POTEH: variants seen among roughly 807,000 people sequenced by gnomAD.
The protein encoded by POTEH is POTE ankyrin domain family member H.
POTEH carries 6 observed loss-of-function variants against 41.7 expected under a neutral mutation model. That is an observed-to-expected ratio of 0.14 (90% CI 0.08 to 0.28). POTEH has a LOEUF of 0.28. Among genes scored for constraint, POTEH ranks in the 10% least tolerant of loss-of-function variants. The pLI is 1.00. For missense variants in POTEH, 115 were observed against 533.5 expected (o/e 0.22, Z 7.73); for synonymous variants, 38 against 179.9 (o/e 0.21, Z 6.31).
intron 1 of POTEH, among the ~76,000 whole-genome samples, chr22:15,691,200 C>T (rs1471702967): frequency 1.4e-5 from 2 of 140,046 alleles, no homozygotes; most frequent in East Asian, 2.0e-4. Context: ...GGTTCTTGTG[C>T]TTGAATAGGA....
In POTEH at chr22:15,690,848, T is replaced by A. The variant is rs563659851; in HGVS notation, c.632+139T>A. On this transcript the variant is annotated intron_variant, in intron 1 of 10. Coordinates refer to ENST00000343518, the MANE Select transcript of POTEH (RefSeq NM_001136213.1). ...CCTGGATGTGGAAACCTCAGAGAGT[T>A]CAGGGCACAGGCCCCTTTATGAGCA... is the stretch of plus-strand genomic sequence containing the variant. The A allele has an allele frequency of 4.5e-6, 5 of 1,115,780 alleles. 1 individual carries two copies. Among genetic ancestry groups the A allele is most frequent in the Non-Finnish European group, 6.3e-6 (5 of 790,444 alleles). The allele number at this position is 1,115,780 out of a possible 1,614,324, so 69.1% of individuals were successfully genotyped here. A position where few individuals can be genotyped will look rare whatever the true frequency, so the allele number is the denominator to read the frequency against.
intron 1 of POTEH, among the ~76,000 whole-genome samples, chr22:15,692,830 T>G (rs200241567): frequency 0.14 from 16,256 of 117,620 alleles, 1,110 homozygotes; most frequent in South Asian, 0.24. Flanking sequence ...ATATAGTTGT[T>G]TAAAGTTTAA....
At chr22:15,713,427 G>A (rs1438416697) in intron 9 of POTEH, among the ~76,000 whole-genome samples, 1 of 152,294 alleles carries the variant, frequency 6.6e-6, no homozygotes, top group Admixed American at 6.5e-5. Flanking sequence ...GGTCTGTTTT[G>A]CTTGCTCCTC....
intron 3 of POTEH, among the ~76,000 whole-genome samples, chr22:15,696,046 T>A (rs568104451): frequency 1.6e-5 from 1 of 62,176 alleles, no homozygotes; most frequent in Admixed American, 1.6e-4. Flanking sequence ...ATACTTTTTT[T>A]TGAAAACACT....
intron 9 of POTEH, among the ~76,000 whole-genome samples, chr22:15,713,724 T>C (rs1989868938): frequency 1.3e-5 from 2 of 152,302 alleles, no homozygotes; most frequent in Non-Finnish European, 1.5e-5. Flanking sequence ...GGTCTCAAAC[T>C]CCTGATGTCA....
At chr22:15,691,029 A>T (rs1403060258) in intron 1 of POTEH, among the ~76,000 whole-genome samples, 1 of 143,120 alleles carries the variant, frequency 7.0e-6, no homozygotes, top group Non-Finnish European at 1.6e-5. Context: ...TCTATACATT[A>T]AAAAAGTGTA....
intron 1 of POTEH, among the ~76,000 whole-genome samples, chr22:15,691,553 T>G (rs1375117993): frequency 1.4e-3 from 193 of 137,418 alleles, no homozygotes; most frequent in African/African-American, 4.8e-3. Flanking sequence ...AAAGTGAGCT[T>G]TTTCTATTTA....
In POTEH at chr22:15,690,532, A is replaced by G. The variant is rs200405088; in HGVS notation, c.455A>G (p.Asn152Ser). ...CCCTGCTGCAGGGGGAGCGGCAAGAACAAAGTGGGCCCTTGGGGAGACTAC... is the reference window on the plus strand; with the variant it reads ...CCCTGCTGCAGGGGGAGCGGCAAGAGCAAAGTGGGCCCTTGGGGAGACTAC... Reference protein sequence around the residue: ...CFPCCRGSGKNKVGPWGDYDD... With the variant: ...CFPCCRGSGKSKVGPWGDYDD... Residue 152 changes from asparagine to serine, a missense_variant, in exon 1 of 11, where the codon AAC becomes AGC. Asn to Ser is a conservative substitution (Grantham distance 46). Coordinates refer to ENST00000343518, the MANE Select transcript of POTEH (RefSeq NM_001136213.1). 17,181 of 1,375,396 alleles carry G rather than the reference A, an allele frequency of 0.012. 7,858 individuals are homozygous for G. The highest frequency in any genetic ancestry group is 0.023 in the Admixed American group (1,133 of 48,422). The allele number at this position is 1,375,396 out of a possible 1,614,324, so 85.2% of individuals were successfully genotyped here.
chr22:15,713,419 T>A (rs1235913162), intron 9 of POTEH, among the ~76,000 whole-genome samples: 3 of 152,304 alleles, frequency 2.0e-5, no homozygotes, highest in Non-Finnish European at 2.9e-5. Context: ...TTCATCACGG[T>A]CTGTTTTGCT....
chr22:15,691,998 A>G (rs1474730009), intron 1 of POTEH, among the ~76,000 whole-genome samples: 3 of 127,550 alleles, frequency 2.4e-5, no homozygotes, highest in African/African-American at 2.8e-5. Flanking sequence ...ATATATATAT[A>G]TATATATATA....
chr22:15,703,868 G>A (rs1989614288), intron 6 of POTEH, among the ~76,000 whole-genome samples: 2 of 135,186 alleles, frequency 1.5e-5, no homozygotes, highest in Non-Finnish European at 3.2e-5. Context: ...TTTTTCAACA[G>A]AATTTACAAA....
intron 9 of POTEH, among the ~76,000 whole-genome samples, chr22:15,713,273 T>C (rs1231094765): frequency 6.6e-6 from 1 of 152,102 alleles, no homozygotes; most frequent in Admixed American, 6.6e-5. Flanking sequence ...AATCTATGCA[T>C]TTTTTCTTAC....
At chr22:15,697,161 T>C (rs980540167) in intron 3 of POTEH, among the ~76,000 whole-genome samples, 1 of 146,478 alleles carries the variant, frequency 6.8e-6, no homozygotes, top group Non-Finnish European at 1.5e-5. Context: ...CCCCTGTCTC[T>C]AAAAACGACA....
At chr22:15,714,010 C>T (rs796855555) in intron 9 of POTEH, among the ~76,000 whole-genome samples, 11 of 151,836 alleles carry the variant, frequency 7.2e-5, no homozygotes, top group African/African-American at 2.7e-4. Flanking sequence ...GATGGCCTTC[C>T]TGAAATCTAC....
intron 9 of POTEH, among the ~76,000 whole-genome samples, chr22:15,711,320 A>C (rs1354301257): frequency 6.6e-6 from 1 of 152,096 alleles, no homozygotes; most frequent in African/African-American, 2.4e-5. Flanking sequence ...TGTATCATGG[A>C]GGTTTGGGTA....
At chr22:15,695,338 A>G (rs1324001919) in intron 1 of POTEH, 33 bp from the exon 2 acceptor site, 1 of 1,160 alleles carries the variant, frequency 8.6e-4, no homozygotes, top group Admixed American at 3.7e-3. Context: ...CTAGTGCACT[A>G]CAATTTCCTA....
At chr22:15,691,525 C>CAA (rs1173004751) in intron 1 of POTEH, among the ~76,000 whole-genome samples, 916 of 87,782 alleles carry the variant, frequency 0.01, 7 homozygotes, top group Middle Eastern at 0.024. Context: ...GACTCCGTCT[C>CAA]AAAAAAAAAA....
intron 9 of POTEH, among the ~76,000 whole-genome samples, chr22:15,711,263 T>C (rs1319579467): frequency 6.6e-6 from 1 of 152,136 alleles, no homozygotes; most frequent in Non-Finnish European, 1.5e-5. Context: ...CAGTGACCTT[T>C]TATTTTAGCT....
chr22:15,711,186 T>G (rs1483631161), intron 9 of POTEH, among the ~76,000 whole-genome samples, 152 bp downstream of exon 9: 2 of 152,078 alleles, frequency 1.3e-5, no homozygotes, highest in African/African-American at 2.4e-5. Context: ...TTTTTTCCAG[T>G]CATTAATTTA....
Sources: gnomAD v4.1 joint callset for allele counts (sites outside exome capture counted in the v4.1 genomes callset) on GRCh38, gnomAD v4.1.1 for gene constraint, MANE v1.5 for transcripts, NCBI Gene and HGNC (gene_info 2026-07-23, HGNC 2026-07-21) for gene names.